Variants in NFIC observed in about 807,000 individuals in gnomAD.
NFIC encodes the protein nuclear factor 1 C-type.
In NFIC, 12 loss-of-function variants were observed where a neutral mutation model predicts 54.4. The observed-to-expected ratio is 0.22, with a 90% CI of 0.14 to 0.36. NFIC has a LOEUF of 0.36. NFIC is among the 10% of genes least tolerant of loss of function. NFIC has a pLI of 1.00. For synonymous variants in NFIC, 322 were observed against 319.2 expected (o/e 1.01, Z -0.09); for missense variants, 575 against 718.2 (o/e 0.80, Z 2.28).
In NFIC at chr19:3,425,687, T is replaced by C. The variant is rs181896856; in HGVS notation, c.634+510T>C. On this transcript the variant is annotated intron_variant, in intron 3 of 10. Coordinates refer to ENST00000443272, the MANE Select transcript of NFIC (RefSeq NM_001245002.2). ...GTTGGCCAGGTCGGTCTTGAACTCC[T>C]GACCTCAGGTGATCCGCCTACCTCG... Among the ~76,000 whole-genome samples the C allele has an allele frequency of 3.7e-3, 558 of 152,142 alleles. 4 individuals are homozygous for C. Among genetic ancestry groups the C allele is most frequent in the African/African-American group, 0.013 (544 of 41,518 alleles).
chr19:3,433,644 CAGGG>C, intron 4 of NFIC, 52 bp downstream of exon 4: 1 of 1,587,344 alleles, frequency 6.3e-7, no homozygotes, highest in Non-Finnish European at 8.6e-7. Flanking sequence ...GAGGGGGCCG[CAGGG>C]AGGAAGGAGC....
intron 2 of NFIC, among the ~76,000 whole-genome samples, chr19:3,386,185 G>A (rs1055041214): frequency 5.9e-5 from 9 of 151,878 alleles, no homozygotes; most frequent in African/African-American, 2.2e-4. Flanking sequence ...TCAGGCATTC[G>A]AGACCAGCCT....
At position 3,371,875 on chromosome 19, in the gene NFIC, TTC is replaced by T. The variant is rs146689368; in HGVS notation, c.30+5216_30+5217del. On this transcript the variant is annotated intron_variant, in intron 1 of 10. Coordinates refer to ENST00000443272, the MANE Select transcript of NFIC (RefSeq NM_001245002.2). ...AGTTTTTCTTTTCTTTCTTTTTTCT[TTC>T]TCTCTCCTTCCTTCCTTCCTTCCTT... Among the ~76,000 whole-genome samples, 197 of 136,384 alleles carry T rather than the reference TTC, an allele frequency of 1.4e-3. 1 individual carries two copies. The highest frequency in any genetic ancestry group is 5.0e-3 in the African/African-American group (183 of 36,856). 89.5% of individuals were successfully genotyped at this position (136,384 alleles called of 152,430 possible).
chr19:3,381,040 C>A (rs1404556195), intron 1 of NFIC, among the ~76,000 whole-genome samples: 1 of 152,084 alleles, frequency 6.6e-6, no homozygotes, highest in African/African-American at 2.4e-5. Context: ...AATGGGTTGT[C>A]CATGAGCCTC....
upstream of NFIC, among the ~76,000 whole-genome samples, chr19:3,363,260 TA>T (rs1399624850): frequency 2.2e-3 from 167 of 76,538 alleles, 3 homozygotes; most frequent in African/African-American, 7.2e-3. Flanking sequence ...TATATATATA[TA>T]TATATATATT....
At position 3,467,788 on chromosome 19, in the gene NFIC, T is replaced by TATATATATATATATATATAA. The variant is rs566623409; in HGVS notation, c.*5020_*5021insTATATATATATATATATAAA. 9 of 136,796 alleles carry TATATATATATATATATATAA rather than the reference T, an allele frequency of 6.6e-5. No individual in the cohort carries two copies. Among genetic ancestry groups the TATATATATATATATATATAA allele is most frequent in the African/African-American group, 2.5e-4 (9 of 35,416 alleles). 8.5% of individuals were successfully genotyped at this position (136,796 alleles called of 1,614,324 possible). A position where few individuals can be genotyped will look rare whatever the true frequency, so the allele number is the denominator to read the frequency against. ...ATATATATATATATATATATATATA[T>TATATATATATATATATATAA]AATTTTGGAATTTGTTTCTCATAAT... On this transcript the variant is annotated 3_prime_UTR_variant, in exon 11 of 11. Transcript: ENST00000443272.
At chr19:3,450,270 G>A (rs148750228) in intron 7 of NFIC, among the ~76,000 whole-genome samples, 2,291 of 151,908 alleles carry the variant, frequency 0.015, 127 homozygotes, top group Admixed American at 0.11. Context: ...GCGTGAACCC[G>A]GGAGGCGGAG....
chr19:3,380,537 C>T (rs1231760158), intron 1 of NFIC, among the ~76,000 whole-genome samples: 3 of 150,494 alleles, frequency 2.0e-5, no homozygotes, highest in African/African-American at 4.9e-5. Context: ...CCATGTTGGC[C>T]GGGCTGGTCT....
intron 2 of NFIC, among the ~76,000 whole-genome samples, chr19:3,418,656 G>T (rs1056717666): frequency 2.0e-5 from 3 of 152,044 alleles, no homozygotes; most frequent in Non-Finnish European, 4.4e-5. Flanking sequence ...ATTCAAGACC[G>T]GCCTGGCTAA....
intron 2 of NFIC, among the ~76,000 whole-genome samples, chr19:3,394,519 A>ACACCC (rs1555744611): frequency 1.7e-4 from 8 of 47,332 alleles, no homozygotes; most frequent in African/African-American, 9.5e-4. Context: ...TCTTTTCCCC[A>ACACCC]CCCACCCCCC....
chr19:3,443,818 C>G (rs2082329220), intron 6 of NFIC, among the ~76,000 whole-genome samples: 2 of 152,304 alleles, frequency 1.3e-5, no homozygotes, highest in Admixed American at 6.5e-5. Flanking sequence ...AGGATGGCCC[C>G]ACCCTAGAGA....
chr19:3,441,205 G>C (rs1047750265), intron 6 of NFIC, among the ~76,000 whole-genome samples: 1 of 152,226 alleles, frequency 6.6e-6, no homozygotes, highest in Non-Finnish European at 1.5e-5. Flanking sequence ...GGGAAACCCT[G>C]AGGCTCAAAG....
rs917369611 is a variant in NFIC at position 3,458,257 on chromosome 19, C to A, written c.1509+1622C>A. The stretch of plus-strand genomic sequence containing the variant: ...GGCCCCCTATGGCCAACCTCTCCCC[C>A]GCCTGGTGCTGATGGAGCCCGGCAT... On this transcript the variant is annotated intron_variant, in intron 10 of 10. Transcript: ENST00000443272. This position sits in a 1 kb window ranked among gnomAD's most constrained non-coding sequence, Gnocchi z 4.1. 1.3e-5 allele frequency among the ~76,000 whole-genome samples: 2 copies of A among 152,338 alleles called. No homozygotes were observed. The highest frequency in any genetic ancestry group is 2.1e-4 in the South Asian group (1 of 4,828).
rs993683857 is a variant in NFIC at position 3,453,573 on chromosome 19, G to A, written c.1270-190G>A. The stretch of plus-strand genomic sequence containing the variant: ...CGGGCTTTGAGTGACACCAGCAAGC[G>A]GGTGTCCCCAGGCCCCTCCACCTCC... On this transcript the variant is annotated intron_variant, in intron 8 of 10. Transcript: ENST00000443272. The surrounding 1 kb of genome is among the most constrained non-coding windows in gnomAD (Gnocchi z 6.7). 1.2e-4 allele frequency among the ~76,000 whole-genome samples: 18 copies of A among 152,092 alleles called. No homozygotes were observed. The highest frequency in any genetic ancestry group is 1.0e-4 in the Non-Finnish European group (7 of 67,988).
At position 3,375,143 on chromosome 19, in the gene NFIC, T is replaced by TG. The variant is rs1203919571; in HGVS notation, c.31-6565dup. 2.1e-4 allele frequency among the ~76,000 whole-genome samples: 18 copies of TG among 84,180 alleles called. No homozygotes were observed. The highest frequency in any genetic ancestry group is 3.9e-4 in the Non-Finnish European group (16 of 41,004). 55.2% of individuals were successfully genotyped at this position (84,180 alleles called of 152,430 possible). On this transcript the variant is annotated intron_variant, in intron 1 of 10. Coordinates refer to ENST00000443272, the MANE Select transcript of NFIC (RefSeq NM_001245002.2). The surrounding 1 kb of genome is among the most constrained non-coding windows in gnomAD (Gnocchi z 4.6). ...GGGGAATTCAGAGAGAGAGGGGGGT[T>TG]GGGGAGAGAAGGAGTTGGGGGGACA...
chr19:3,423,179 CAG>C, intron 2 of NFIC, among the ~76,000 whole-genome samples: 1 of 152,154 alleles, frequency 6.6e-6, no homozygotes, highest in Non-Finnish European at 1.5e-5. Context: ...GCCTGGGAGA[CAG>C]AGTGAGACCC....
intron 2 of NFIC, among the ~76,000 whole-genome samples, chr19:3,400,090 C>A (rs2081531970): frequency 6.6e-6 from 1 of 152,190 alleles, no homozygotes; most frequent in African/African-American, 2.4e-5. Flanking sequence ...TCCAGTGGAA[C>A]CACTTTGCAG....
chr19:3,384,864 C>T (rs981296642), intron 2 of NFIC, among the ~76,000 whole-genome samples: 6 of 152,218 alleles, frequency 3.9e-5, no homozygotes, highest in East Asian at 3.9e-4. Flanking sequence ...ACCGTGGGGA[C>T]GGAGGTTCTC....
At chr19:3,445,048 T>C (rs983077152) in intron 6 of NFIC, among the ~76,000 whole-genome samples, 1 of 151,646 alleles carries the variant, frequency 6.6e-6, no homozygotes, top group African/African-American at 2.4e-5. Flanking sequence ...GATATGAACG[T>C]GCATGTACAG....
Sources: gnomAD v4.1 joint callset for allele counts (sites outside exome capture counted in the v4.1 genomes callset) on GRCh38, gnomAD v4.1.1 for gene constraint, Gnocchi (gnomAD v3.1) non-coding constraint, MANE v1.5 for transcripts, NCBI Gene and HGNC (gene_info 2026-07-23, HGNC 2026-07-21) for gene names.